The following TWSG1 variants were observed in gnomAD, a reference collection of about 807,000 sequenced individuals.
TWSG1 encodes the protein twisted gastrulation protein homolog 1.
Under a neutral mutation model 23.0 loss-of-function variants are expected in TWSG1, and 15 were observed. That is an observed-to-expected ratio of 0.65 (90% CI 0.44 to 1.00). The LOEUF (loss-of-function observed/expected upper bound fraction) is 1.00. Ranked by LOEUF, TWSG1 falls within the 50% of genes least tolerant of loss-of-function variation. TWSG1 has a pLI of 0.00. For synonymous variants in TWSG1, 86 were observed against 92.8 expected (o/e 0.93, Z 0.42); for missense variants, 242 against 278.7 (o/e 0.87, Z 0.94).
intron 2 of TWSG1, among the ~76,000 whole-genome samples, chr18:9,359,574 T>C (rs2040542741): frequency 6.6e-6 from 1 of 152,234 alleles, no homozygotes; most frequent in Non-Finnish European, 1.5e-5. Context: ...TCCAAAGTTC[T>C]TTTACTCACA....
chr18:9,396,090 G>C (rs992510007), intron 3 of TWSG1, among the ~76,000 whole-genome samples, 190 bp from the exon 4 acceptor site: 1 of 144,016 alleles, frequency 6.9e-6, no homozygotes, highest in Non-Finnish European at 1.5e-5. Context: ...AGATCTGAGC[G>C]TTCAGTATGC....
intron 3 of TWSG1, among the ~76,000 whole-genome samples, chr18:9,362,472 T>C (rs1405255602): frequency 6.6e-6 from 1 of 152,240 alleles, no homozygotes; most frequent in African/African-American, 2.4e-5. Context: ...CCTCCCAAAG[T>C]GCTGGGATTA....
chr18:9,391,402 A>G (rs1371286679), intron 3 of TWSG1, among the ~76,000 whole-genome samples: 1 of 152,238 alleles, frequency 6.6e-6, no homozygotes, highest in Non-Finnish European at 1.5e-5. Context: ...CCCATGAATC[A>G]TGAATGCTCC....
intron 2 of TWSG1, among the ~76,000 whole-genome samples, chr18:9,358,728 A>T (rs16955004): frequency 0.073 from 11,162 of 152,198 alleles, 519 homozygotes; most frequent in Non-Finnish European, 0.095. Context: ...CAATGGCCAT[A>T]TGTTGATGGA....
At chr18:9,386,619 ATAG>A (rs909941938) in intron 3 of TWSG1, among the ~76,000 whole-genome samples, 20 of 152,048 alleles carry the variant, frequency 1.3e-4, no homozygotes, top group Non-Finnish European at 4.4e-5. Context: ...AAATTATCGA[ATAG>A]TAGAAGAAAA....
intron 2 of TWSG1, among the ~76,000 whole-genome samples, chr18:9,357,530 CTG>C (rs2040532553): frequency 6.6e-6 from 1 of 152,120 alleles, no homozygotes; most frequent in African/African-American, 2.4e-5. Flanking sequence ...ATATTGTGGT[CTG>C]TGTTTACATT....
chr18:9,373,366 CA>C (rs565651428), intron 3 of TWSG1, among the ~76,000 whole-genome samples: 5 of 148,026 alleles, frequency 3.4e-5, no homozygotes, highest in South Asian at 2.1e-4. Flanking sequence ...CTGTCTCTAC[CA>C]AAAAAAAAAT....
chr18:9,360,003 A>G lies in TWSG1; in HGVS notation c.155A>G (p.Asn52Ser), dbSNP rs1377641493. ...ELCQCRPGEG[N>S]CSCCKECMLC... ...TGCCAGTGCCGGCCGGGAGAAGGCA[A>G]TTGCTCCTGCTGTAAGGAGTGCATG... The change falls in exon 3 of 5, where the codon AAT becomes AGT. Residue 52 changes from asparagine to serine, a missense_variant. By Grantham distance (46) the Asn-to-Ser change is conservative. Transcript: ENST00000262120. 3 of 1,613,672 alleles carry G rather than the reference A, an allele frequency of 1.9e-6. No individual in the cohort carries two copies. The highest frequency in any genetic ancestry group is 2.7e-5 in the African/African-American group (2 of 75,048).
rs931939439 is a variant in TWSG1 at position 9,401,451 on chromosome 18, G to A, written c.*1924G>A. The A allele has an allele frequency of 1.1e-4, 15 of 140,674 alleles. No individual in the cohort carries two copies. Among genetic ancestry groups the A allele is most frequent in the Admixed American group, 8.5e-4 (12 of 14,156 alleles). 8.7% of individuals were successfully genotyped at this position (140,674 alleles called of 1,614,324 possible). ...TGATGACAACAAATATTTTAAAACT[G>A]CATTTATCATTTTTTAGGTCTTCAT... is the stretch of plus-strand genomic sequence containing the variant. On this transcript the variant is annotated 3_prime_UTR_variant, in exon 5 of 5. Coordinates refer to ENST00000262120, the MANE Select transcript of TWSG1 (RefSeq NM_020648.6).
chr18:9,344,235 A>G (rs759190081), intron 2 of TWSG1, among the ~76,000 whole-genome samples: 30 of 152,082 alleles, frequency 2.0e-4, no homozygotes, highest in Non-Finnish European at 3.8e-4. Flanking sequence ...TTTCTTTTGT[A>G]TATACCTAGG....
chr18:9,337,380 T>C, intron 2 of TWSG1, 28 bp downstream of exon 2: 1 of 1,607,164 alleles, frequency 6.2e-7, no homozygotes, highest in Non-Finnish European at 8.5e-7. Context: ...TTTATTAATA[T>C]CAAAATATAT....
intron 4 of TWSG1, among the ~76,000 whole-genome samples, chr18:9,398,892 C>A (rs981467568): frequency 2.0e-5 from 3 of 151,820 alleles, no homozygotes; most frequent in African/African-American, 7.3e-5. Context: ...GCTTGTAATC[C>A]CAGCTACTCG....
intron 3 of TWSG1, among the ~76,000 whole-genome samples, chr18:9,388,923 C>A (rs1404684141): frequency 6.6e-6 from 1 of 151,812 alleles, no homozygotes; most frequent in Non-Finnish European, 1.5e-5. Context: ...AGTTGTTTAC[C>A]TTCAACTCTA....
At chr18:9,352,902 C>A (rs775413402) in intron 2 of TWSG1, among the ~76,000 whole-genome samples, 25 of 152,098 alleles carry the variant, frequency 1.6e-4, no homozygotes, top group Non-Finnish European at 3.2e-4. Context: ...AATATCTGAC[C>A]AGAGCATCAG....
At chr18:9,381,096 G>A (rs975439492) in intron 3 of TWSG1, among the ~76,000 whole-genome samples, 8 of 152,150 alleles carry the variant, frequency 5.3e-5, no homozygotes, top group African/African-American at 1.2e-4. Flanking sequence ...AATTTACTCC[G>A]TATTCATGCT....
intron 2 of TWSG1, among the ~76,000 whole-genome samples, chr18:9,344,123 C>T (rs1173817403): frequency 6.6e-6 from 1 of 152,174 alleles, no homozygotes; most frequent in Non-Finnish European, 1.5e-5. Context: ...CCAGGTTGGT[C>T]TTGAACTCTT....
chr18:9,392,209 A>C (rs2040716119), intron 3 of TWSG1, among the ~76,000 whole-genome samples: 1 of 152,238 alleles, frequency 6.6e-6, no homozygotes. Flanking sequence ...GCATCATCTT[A>C]CAATAGAAGG....
rs566468217 is a variant in TWSG1, at chr18:9,401,418, T to C, written c.*1891T>C. 1 of 151,876 alleles carries C rather than the reference T, an allele frequency of 6.6e-6. No homozygotes were observed. Among genetic ancestry groups the C allele is most frequent in the Non-Finnish European group, 1.5e-5 (1 of 67,998 alleles). 9.4% of individuals were successfully genotyped at this position (151,876 alleles called of 1,614,324 possible). On this transcript the variant is annotated 3_prime_UTR_variant, in exon 5 of 5. Transcript: ENST00000262120. ...TGTGTGTTGGCAACATGCCTAATGT[T>C]TTCTTAATGATGACAACAAATATTT...
chr18:9,399,516 T>G lies in TWSG1; in HGVS notation c.661T>G (p.Cys221Gly). The part of the protein sequence containing the change: ...YGSKTVKCMN[C>G]MF Reference sequence around the variant, plus strand: ...TAGTAAAACTGTCAAATGTATGAACTGCATGTTTTAAAGAAGACAAATGCA... The same window carrying G: ...TAGTAAAACTGTCAAATGTATGAACGGCATGTTTTAAAGAAGACAAATGCA... The change falls in exon 5 of 5, where the codon TGC becomes GGC. Residue 221 changes from cysteine (C) to glycine (G), a missense_variant. Coordinates refer to ENST00000262120, the MANE Select transcript of TWSG1 (RefSeq NM_020648.6). 1 of 1,602,182 alleles carries G rather than the reference T, an allele frequency of 6.2e-7. No individual in the cohort carries two copies. The highest frequency in any genetic ancestry group is 8.5e-7 in the Non-Finnish European group (1 of 1,176,676).
Sources: allele counts gnomAD v4.1 joint callset (sites outside exome capture counted in the v4.1 genomes callset), GRCh38; gene constraint gnomAD v4.1.1; transcripts MANE v1.5; gene names NCBI Gene and HGNC (gene_info 2026-07-23, HGNC 2026-07-21).